Variants in AFF3 observed in about 807,000 individuals in gnomAD.
AFF3 encodes ALF transcription elongation factor 3.
Under a neutral mutation model 129.7 loss-of-function variants are expected in AFF3, and 32 were observed. The observed-to-expected ratio is 0.25, with a 90% CI of 0.19 to 0.33. The LOEUF (loss-of-function observed/expected upper bound fraction) is 0.33. AFF3 is among the 10% of genes least tolerant of loss of function. AFF3 has a pLI of 1.00. For synonymous variants in AFF3, 644 were observed against 635.4 expected (o/e 1.01, Z -0.20); for missense variants, 1,373 against 1,592.0 (o/e 0.86, Z 2.34).
chr2:99,930,303 G>T (rs1481325287), intron 7 of AFF3, among the ~76,000 whole-genome samples: 1 of 152,172 alleles, frequency 6.6e-6, no homozygotes, highest in African/African-American at 2.4e-5. Flanking sequence ...CCAAGGACAA[G>T]GTAGCCCTGA....
intron 7 of AFF3, among the ~76,000 whole-genome samples, chr2:99,976,744 G>A: frequency 6.6e-6 from 1 of 151,288 alleles, no homozygotes. Flanking sequence ...ATTTCAGGTA[G>A]CCTGAACTTC....
intron 4 of AFF3, among the ~76,000 whole-genome samples, chr2:100,048,960 C>G (rs1044827800): frequency 6.6e-6 from 1 of 152,080 alleles, no homozygotes; most frequent in African/African-American, 2.4e-5. Flanking sequence ...AAAGACATGG[C>G]TTTTTTCCTC....
At chr2:99,788,889 A>G (rs577996240) in intron 8 of AFF3, among the ~76,000 whole-genome samples, 12 of 152,156 alleles carry the variant, frequency 7.9e-5, no homozygotes, top group Non-Finnish European at 1.2e-4. Flanking sequence ...AGATACATAT[A>G]TAGTTATCAT....
chr2:99,675,039 T>C (rs1687487911), intron 11 of AFF3, among the ~76,000 whole-genome samples: 1 of 152,222 alleles, frequency 6.6e-6, no homozygotes, highest in African/African-American at 2.4e-5. Context: ...TGAGCATTTG[T>C]GCTTCTATAA....
At chr2:99,715,676 T>C (rs2104904189) in intron 11 of AFF3, among the ~76,000 whole-genome samples, 1 of 38,358 alleles carries the variant, frequency 2.6e-5, no homozygotes, top group Middle Eastern at 0.023. Flanking sequence ...TTTCAAATCT[T>C]TTTTTTTTTT....
chr2:99,673,589 G>C (rs773551520), intron 11 of AFF3, among the ~76,000 whole-genome samples: 2 of 152,206 alleles, frequency 1.3e-5, no homozygotes, highest in Non-Finnish European at 2.9e-5. Context: ...CGCTCTGAGG[G>C]AGCAGGGGAG....
At chr2:99,971,290 T>G (rs1559022184) in intron 7 of AFF3, among the ~76,000 whole-genome samples, 3 of 152,156 alleles carry the variant, frequency 2.0e-5, no homozygotes, top group African/African-American at 7.2e-5. Flanking sequence ...GTTGCCTAAT[T>G]CACACATTTC....
chr2:99,588,799 G>C (rs555500010), intron 15 of AFF3, among the ~76,000 whole-genome samples: 8 of 152,292 alleles, frequency 5.3e-5, no homozygotes, highest in African/African-American at 1.9e-4. Context: ...TGACAGCCAG[G>C]TCTATGGGGT....
intron 7 of AFF3, among the ~76,000 whole-genome samples, chr2:99,902,090 G>T (rs1355233542): frequency 2.6e-5 from 4 of 151,576 alleles, no homozygotes; most frequent in Non-Finnish European, 4.4e-5. Flanking sequence ...GAACCCTTGT[G>T]TGCGGGTGAA....
At chr2:100,106,234 A>G in intron 2 of AFF3, 1 of 1,183,146 alleles carries the variant, frequency 8.5e-7, no homozygotes, top group Non-Finnish European at 1.1e-6. Flanking sequence ...ATTAAGACAG[A>G]GTTGGCATCA....
intron 8 of AFF3, among the ~76,000 whole-genome samples, chr2:99,776,677 C>G (rs757086046): frequency 6.6e-6 from 1 of 152,194 alleles, no homozygotes; most frequent in Non-Finnish European, 1.5e-5. Flanking sequence ...TCCACCATTC[C>G]GGCAGTGGGC....
intron 7 of AFF3, among the ~76,000 whole-genome samples, chr2:99,956,145 A>T (rs1206383336): frequency 6.6e-6 from 1 of 150,706 alleles, no homozygotes; most frequent in Non-Finnish European, 1.5e-5. Context: ...GGCTGCAAAG[A>T]TGCTTTAAAA....
intron 4 of AFF3, among the ~76,000 whole-genome samples, chr2:100,011,980 G>A (rs989692596): frequency 5.9e-5 from 9 of 151,952 alleles, no homozygotes; most frequent in Non-Finnish European, 1.2e-4. Flanking sequence ...TAAGCTGAAG[G>A]ATACCCCAAA....
intron 7 of AFF3, among the ~76,000 whole-genome samples, chr2:99,936,985 C>T (rs1277537726): frequency 1.3e-5 from 2 of 152,138 alleles, no homozygotes. Flanking sequence ...CAGAATATAA[C>T]ATTCTGAAAT....
chr2:100,105,630 T>C, intron 2 of AFF3, 47 bp from the exon 3 acceptor site: 1 of 1,339,450 alleles, frequency 7.5e-7, no homozygotes, highest in Non-Finnish European at 9.9e-7. Context: ...AGAGTAATAA[T>C]AATCTCCCTC....
At chr2:99,605,442 A>T (rs552074154) in intron 13 of AFF3, among the ~76,000 whole-genome samples, 1 of 152,288 alleles carries the variant, frequency 6.6e-6, no homozygotes, top group East Asian at 1.9e-4. Context: ...CAGTTGTGGG[A>T]TCAAGATCAC....
intron 8 of AFF3, among the ~76,000 whole-genome samples, chr2:99,810,903 C>A (rs1686739259): frequency 6.6e-6 from 1 of 152,118 alleles, no homozygotes; most frequent in African/African-American, 2.4e-5. Context: ...CGACACTGGA[C>A]AAGTCTTTCT....
intron 4 of AFF3, among the ~76,000 whole-genome samples, chr2:100,050,972 C>T (rs1244918485): frequency 6.6e-6 from 1 of 152,254 alleles, no homozygotes; most frequent in East Asian, 1.9e-4. Flanking sequence ...CCATCCTCTC[C>T]TACCCAGACA....
intron 7 of AFF3, among the ~76,000 whole-genome samples, chr2:99,918,401 TA>T (rs1475561966): frequency 6.6e-6 from 1 of 152,134 alleles, no homozygotes. Flanking sequence ...AAAACTCTCC[TA>T]AAAAACATGT....
Sources: gnomAD v4.1 joint callset for allele counts (sites outside exome capture counted in the v4.1 genomes callset) on GRCh38, gnomAD v4.1.1 for gene constraint, MANE v1.5 for transcripts, NCBI Gene and HGNC (gene_info 2026-07-23, HGNC 2026-07-21) for gene names.